Variants in PIEZO2 observed in about 807,000 individuals in gnomAD.
PIEZO2 encodes piezo-type mechanosensitive ion channel component 2.
Under a neutral mutation model 337.3 loss-of-function variants are expected in PIEZO2, and 172 were observed. The observed-to-expected ratio is 0.51, with a 90% CI of 0.45 to 0.58. The LOEUF is 0.58. Among genes scored for constraint, PIEZO2 ranks in the 20% least tolerant of loss-of-function variants. The pLI is 0.00. For missense variants in PIEZO2, 3,028 were observed against 3,391.3 expected (o/e 0.89, Z 2.66); for synonymous variants, 1,251 against 1,228.5 (o/e 1.02, Z -0.38).
chr18:11,146,612 C>T lies in PIEZO2; in HGVS notation c.64+1913G>A, dbSNP rs1051247010. On this transcript the variant is annotated intron_variant, in intron 1 of 55. Coordinates refer to ENST00000674853, the MANE Select transcript of PIEZO2 (RefSeq NM_001378183.1). This position sits in a 1 kb window ranked among gnomAD's most constrained non-coding sequence, Gnocchi z 6.1. ...CTTTAGTAGGACTGACAGGCCCCAA[C>T]CCCAGCATCCGCGGGGCTTGGAGGC... 1.3e-4 allele frequency among the ~76,000 whole-genome samples: 20 copies of T among 152,210 alleles called. No individual in the cohort carries two copies. Among genetic ancestry groups the T allele is most frequent in the Non-Finnish European group, 2.6e-4 (18 of 68,028 alleles).
chr18:10,758,992 G>A (rs1231154460), intron 26 of PIEZO2, among the ~76,000 whole-genome samples: 1 of 152,182 alleles, frequency 6.6e-6, no homozygotes, highest in Non-Finnish European at 1.5e-5. Flanking sequence ...GGTCTTGGAG[G>A]AGCTGCTCTG....
chr18:11,078,096 CACAA>C lies in PIEZO2; in HGVS notation c.65-11878_65-11875del, dbSNP rs2038612418. 1.0e-4 allele frequency among the ~76,000 whole-genome samples: 15 copies of C among 148,618 alleles called. No individual in the cohort carries two copies. The highest frequency in any genetic ancestry group is 1.0e-3 in the Admixed American group (15 of 15,036). On this transcript the variant is annotated intron_variant, in intron 1 of 55. Coordinates refer to ENST00000674853, the MANE Select transcript of PIEZO2 (RefSeq NM_001378183.1). The surrounding 1 kb of genome is among the most constrained non-coding windows in gnomAD (Gnocchi z 5.3). Reference sequence around the variant, plus strand: ...ACACACAAAAACAAACATACACACACACAAACACATACACATATACACACCATAC... The same window carrying C: ...ACACACAAAAACAAACATACACACACACACATACACATATACACACCATAC...
chr18:10,811,480 G>T (rs1187475735), intron 7 of PIEZO2, among the ~76,000 whole-genome samples: 1 of 152,148 alleles, frequency 6.6e-6, no homozygotes, highest in Non-Finnish European at 1.5e-5. Flanking sequence ...CACGGTTATG[G>T]TAGGAGCAGA....
At chr18:10,732,822 A>G (rs1250991262) in intron 35 of PIEZO2, among the ~76,000 whole-genome samples, 1 of 152,232 alleles carries the variant, frequency 6.6e-6, no homozygotes, top group Non-Finnish European at 1.5e-5. Flanking sequence ...GTTATAGTAC[A>G]TTAATAAGCA....
At chr18:10,816,768 A>G (rs935088348) in intron 7 of PIEZO2, among the ~76,000 whole-genome samples, 8 of 152,344 alleles carry the variant, frequency 5.3e-5, no homozygotes, top group African/African-American at 1.9e-4. Flanking sequence ...GAGGATTTCA[A>G]TGAAATCCAT....
Position 10,807,285 on chromosome 18 carries a change from A to G in PIEZO2, c.918-11T>C. The G allele has an allele frequency of 6.5e-7, 1 of 1,530,472 alleles. No individual in the cohort carries two copies. Among genetic ancestry groups the G allele is most frequent in the South Asian group, 1.2e-5 (1 of 83,768 alleles). 94.8% of individuals were successfully genotyped at this position (1,530,472 alleles called of 1,614,324 possible). A position where few individuals can be genotyped will look rare whatever the true frequency, so the allele number is the denominator to read the frequency against. On this transcript the variant is annotated splice_polypyrimidine_tract_variant and intron_variant, in intron 7 of 55. Transcript: ENST00000674853. ...TTGATACCAAACAACCTGTTAAAAA[A>G]CAAAGAAAAATGCTTAAAAGATGCA...
Position 10,697,868 on chromosome 18 carries a change from G to T in PIEZO2, c.6707C>A (p.Thr2236Asn). 6.2e-7 allele frequency: 1 copy of T among 1,612,522 alleles called. No homozygotes were observed. The highest frequency in any genetic ancestry group is 8.5e-7 in the Non-Finnish European group (1 of 1,179,028). Residue 2236 changes from threonine to asparagine, a missense_variant, in exon 45 of 56, where the codon ACC becomes AAC. Thr to Asn is a moderately conservative substitution (Grantham distance 65). Coordinates refer to ENST00000674853, the MANE Select transcript of PIEZO2 (RefSeq NM_001378183.1). ...SNRSQRGSTS[T>N]RNSSQKGSSV... ...GCTTCCTTTTTGACTGCTGTTTCGG[G>T]TGCTTGTGCTGCCTAGAAATAAAAA...
At chr18:10,948,203 A>G (rs1165826159) in intron 3 of PIEZO2, among the ~76,000 whole-genome samples, 1 of 152,152 alleles carries the variant, frequency 6.6e-6, no homozygotes, top group Non-Finnish European at 1.5e-5. Flanking sequence ...AATATATAAT[A>G]AAAATTTAAA....
In PIEZO2 at chr18:10,979,059, A is replaced by G. The variant is rs1054146756; in HGVS notation, c.286+476T>C. Among the ~76,000 whole-genome samples, 1 of 152,176 alleles carries G rather than the reference A, an allele frequency of 6.6e-6. No individual in the cohort carries two copies. ...CCTTCCAATTCAGAAAAGAAACTAC[A>G]TGTGTCATTACATTTTTCCCATAAA... On this transcript the variant is annotated intron_variant, in intron 3 of 55. Transcript: ENST00000674853. The surrounding 1 kb of genome is among the most constrained non-coding windows in gnomAD (Gnocchi z 4.0).
At chr18:10,706,803 A>G (rs1422117174) in intron 40 of PIEZO2, among the ~76,000 whole-genome samples, 1 of 152,186 alleles carries the variant, frequency 6.6e-6, no homozygotes, top group Non-Finnish European at 1.5e-5. Flanking sequence ...GAGATTGGGA[A>G]TCTGTCTTGG....
At chr18:10,937,726 C>T (rs533895258) in intron 3 of PIEZO2, among the ~76,000 whole-genome samples, 68 of 152,278 alleles carry the variant, frequency 4.5e-4, no homozygotes, top group African/African-American at 1.6e-3. Flanking sequence ...GCGCCTAATC[C>T]TCCAGTGCCA....
intron 4 of PIEZO2, among the ~76,000 whole-genome samples, chr18:10,905,909 A>G (rs531439671): frequency 5.3e-4 from 81 of 152,266 alleles, no homozygotes; most frequent in African/African-American, 1.6e-3. Context: ...TCCTCCTTAC[A>G]TGTTCAAGAA....
intron 3 of PIEZO2, among the ~76,000 whole-genome samples, chr18:10,974,726 C>T (rs79630187): frequency 0.014 from 2,184 of 152,310 alleles, 56 homozygotes; most frequent in African/African-American, 0.048. Context: ...CAATCCCTAC[C>T]TCAGCACTAT....
At position 11,128,996 on chromosome 18, in the gene PIEZO2, T is replaced by C. The variant is rs989383521; in HGVS notation, c.64+19529A>G. ...ATCAGGGAGTTAAAAAAGGTTCTAA[T>C]AGTTTATTTGCTTGGTTGGTTAAAA... is the stretch of plus-strand genomic sequence containing the variant. On this transcript the variant is annotated intron_variant, in intron 1 of 55. Transcript: ENST00000674853. The surrounding 1 kb of genome is among the most constrained non-coding windows in gnomAD (Gnocchi z 4.1). Among the ~76,000 whole-genome samples the C allele has an allele frequency of 1.3e-5, 2 of 152,178 alleles. No individual in the cohort carries two copies. The highest frequency in any genetic ancestry group is 2.9e-5 in the Non-Finnish European group (2 of 68,030).
At chr18:10,845,510 A>G (rs1177663762) in intron 7 of PIEZO2, among the ~76,000 whole-genome samples, 13 of 152,178 alleles carry the variant, frequency 8.5e-5, no homozygotes, top group Admixed American at 8.5e-4. Flanking sequence ...AATCACATAC[A>G]TGTGTTTCTA....
chr18:10,991,067 G>T (rs929029968), intron 2 of PIEZO2, among the ~76,000 whole-genome samples: 39 of 151,382 alleles, frequency 2.6e-4, no homozygotes, highest in African/African-American at 7.3e-4. Context: ...GTAAAGAATT[G>T]ATATTGTTTA....
intron 14 of PIEZO2, among the ~76,000 whole-genome samples, chr18:10,790,728 G>A (rs1598484071): frequency 6.8e-6 from 1 of 146,390 alleles, no homozygotes; most frequent in Non-Finnish European, 1.5e-5. Flanking sequence ...TTTTTTGAGA[G>A]GGAGACTCGC....
intron 4 of PIEZO2, among the ~76,000 whole-genome samples, chr18:10,910,462 G>T (rs1246856556): frequency 2.0e-5 from 3 of 151,972 alleles, no homozygotes; most frequent in Non-Finnish European, 2.9e-5. Flanking sequence ...GGGCGCCTGA[G>T]ATCCCAGCTA....
intron 1 of PIEZO2, among the ~76,000 whole-genome samples, chr18:11,130,169 T>C (rs542121834): frequency 6.6e-6 from 1 of 152,358 alleles, no homozygotes; most frequent in African/African-American, 2.4e-5. Flanking sequence ...TCCCACCACA[T>C]TCCAGTTCAA....
Sources: allele counts gnomAD v4.1 joint callset (sites outside exome capture counted in the v4.1 genomes callset), GRCh38; gene constraint gnomAD v4.1.1; non-coding constraint Gnocchi (gnomAD v3.1); transcripts MANE v1.5; gene names NCBI Gene and HGNC (gene_info 2026-07-23, HGNC 2026-07-21).